GRM8: variants seen among roughly 807,000 people sequenced by gnomAD.
The protein encoded by GRM8 is glutamate metabotropic receptor 8.
Under a neutral mutation model 87.2 loss-of-function variants are expected in GRM8, and 47 were observed. The observed-to-expected ratio is 0.54, with a 90% CI of 0.43 to 0.69. GRM8 has a LOEUF of 0.69. GRM8 is among the 30% of genes least tolerant of loss of function. GRM8 has a pLI of 0.00. For synonymous variants in GRM8, 396 were observed against 404.5 expected, an observed-to-expected ratio of 0.98 and a Z score of 0.25; for missense variants, 1,019 against 1,139.2, an observed-to-expected ratio of 0.89 and a Z score of 1.52.
intron 8 of GRM8, among the ~76,000 whole-genome samples, chr7:126,534,125 A>AT (rs1815303073): frequency 6.6e-6 from 1 of 152,116 alleles, no homozygotes; most frequent in Non-Finnish European, 1.5e-5. Flanking sequence ...TTACCTCCTC[A>AT]TTGCTGACCA....
At chr7:126,658,885 G>A (rs1804829954) in intron 7 of GRM8, among the ~76,000 whole-genome samples, 2 of 152,018 alleles carry the variant, frequency 1.3e-5, no homozygotes, top group Non-Finnish European at 2.9e-5. Context: ...AGGGGACCGA[G>A]CCACTCACAG....
intron 3 of GRM8, among the ~76,000 whole-genome samples, chr7:127,041,125 G>C (rs775698978): frequency 2.0e-5 from 3 of 152,154 alleles, no homozygotes; most frequent in Non-Finnish European, 4.4e-5. Context: ...AGGCAAGGAG[G>C]GGGTAAATTA....
At chr7:126,807,886 C>T (rs943991940) in intron 6 of GRM8, among the ~76,000 whole-genome samples, 1 of 152,062 alleles carries the variant, frequency 6.6e-6, no homozygotes, top group Non-Finnish European at 1.5e-5. Flanking sequence ...GATACTTGAC[C>T]TATGACAACT....
intron 8 of GRM8, among the ~76,000 whole-genome samples, chr7:126,543,092 T>C (rs533832089): frequency 6.6e-6 from 1 of 152,354 alleles, no homozygotes; most frequent in East Asian, 1.9e-4. Flanking sequence ...ATGCATGATC[T>C]TGTCCCTGTC....
chr7:126,786,392 AT>A, intron 6 of GRM8, among the ~76,000 whole-genome samples: 1 of 152,272 alleles, frequency 6.6e-6, no homozygotes, highest in East Asian at 1.9e-4. Flanking sequence ...GTATTCTGTT[AT>A]TTGTTGTTTC....
At chr7:126,858,595 A>C (rs1797884748) in intron 6 of GRM8, among the ~76,000 whole-genome samples, 1 of 152,170 alleles carries the variant, frequency 6.6e-6, no homozygotes, top group African/African-American at 2.4e-5. Flanking sequence ...CCAATTTCCC[A>C]AACAGGCCAG....
Position 126,751,043 on chromosome 7 carries a change from A to T in GRM8, c.1357+18822T>A, listed in dbSNP as rs532474950. ...TAAGGATAAAAATTATCCCTACTTT[A>T]TATTATTTTGAGGATTAAATAATAT... On this transcript the variant is annotated intron_variant, in intron 7 of 10. Transcript: ENST00000339582. Among the ~76,000 whole-genome samples, 28 of 151,478 alleles carry T rather than the reference A, an allele frequency of 1.8e-4. No individual in the cohort carries two copies. The East Asian group carries it at 4.8e-3, about 26-fold the overall frequency.
At chr7:127,088,883 G>A (rs1268204186) in intron 3 of GRM8, among the ~76,000 whole-genome samples, 1 of 152,192 alleles carries the variant, frequency 6.6e-6, no homozygotes, top group African/African-American at 2.4e-5. Flanking sequence ...CCTTCCCCAG[G>A]CCACAGTGAT....
At chr7:126,688,938 C>T (rs1220850462) in intron 7 of GRM8, among the ~76,000 whole-genome samples, 2 of 152,136 alleles carry the variant, frequency 1.3e-5, no homozygotes, top group Non-Finnish European at 2.9e-5. Context: ...TTTATTCACC[C>T]GCAAAGGAGC....
chr7:126,675,245 T>TA (rs1013349995), intron 7 of GRM8, among the ~76,000 whole-genome samples: 16 of 151,072 alleles, frequency 1.1e-4, no homozygotes, highest in East Asian at 1.9e-4. Flanking sequence ...AGTAATACCT[T>TA]AAAAAAAAAT....
At chr7:126,819,064 G>C (rs1794051144) in intron 6 of GRM8, among the ~76,000 whole-genome samples, 1 of 152,090 alleles carries the variant, frequency 6.6e-6, no homozygotes, top group Non-Finnish European at 1.5e-5. Flanking sequence ...GCGGCCATCT[G>C]AGGGATCTCC....
At chr7:126,497,412 C>T (rs2065661490) in intron 9 of GRM8, among the ~76,000 whole-genome samples, 2 of 151,948 alleles carry the variant, frequency 1.3e-5, no homozygotes, top group Non-Finnish European at 2.9e-5. Context: ...TTCATTAGCA[C>T]TCTGACATCT....
At chr7:127,188,745 T>C (rs1409523381) in intron 2 of GRM8, among the ~76,000 whole-genome samples, 2 of 152,154 alleles carry the variant, frequency 1.3e-5, no homozygotes, top group Non-Finnish European at 2.9e-5. Flanking sequence ...AATCAAGCAA[T>C]TCACTTTGTC....
At chr7:126,722,511 T>C (rs1812493541) in intron 7 of GRM8, among the ~76,000 whole-genome samples, 1 of 152,184 alleles carries the variant, frequency 6.6e-6, no homozygotes, top group South Asian at 2.1e-4. Flanking sequence ...ATGAAGATGA[T>C]CTTTCTAAAA....
intron 9 of GRM8, chr7:126,447,128 A>G (rs1167276197): frequency 6.6e-6 from 1 of 151,842 alleles, no homozygotes; most frequent in Non-Finnish European, 1.5e-5. Context: ...GACTGCTCTG[A>G]TACTTACAGA....
chr7:126,712,838 GA>G (rs944430453), intron 7 of GRM8, among the ~76,000 whole-genome samples: 1 of 151,738 alleles, frequency 6.6e-6, no homozygotes, highest in African/African-American at 2.4e-5. Flanking sequence ...AAACATGTGG[GA>G]AAAAAAAGCT....
intron 6 of GRM8, among the ~76,000 whole-genome samples, chr7:126,890,154 T>C (rs991592593): frequency 6.6e-6 from 1 of 152,142 alleles, no homozygotes; most frequent in Admixed American, 6.6e-5. Context: ...ATGTCACTAA[T>C]GGCTGCTCTA....
intron 6 of GRM8, among the ~76,000 whole-genome samples, chr7:126,885,453 C>A (rs766578771): frequency 2.6e-5 from 4 of 152,254 alleles, no homozygotes; most frequent in Non-Finnish European, 5.9e-5. Flanking sequence ...CCCCCACAGT[C>A]TACTCTTTTC....
intron 9 of GRM8, among the ~76,000 whole-genome samples, chr7:126,461,986 A>T (rs745996642): frequency 4.0e-5 from 6 of 151,642 alleles, no homozygotes; most frequent in Non-Finnish European, 5.9e-5. Context: ...AAAAATATGT[A>T]GAAGGGATGG....
Sources: gnomAD v4.1 joint callset for allele counts (sites outside exome capture counted in the v4.1 genomes callset) on GRCh38, gnomAD v4.1.1 for gene constraint, MANE v1.5 for transcripts, NCBI Gene and HGNC (gene_info 2026-07-23, HGNC 2026-07-21) for gene names.